Variants in GOLGA3 observed in about 807,000 individuals in gnomAD.
The protein encoded by GOLGA3 is golgin A3, also known as golgin subfamily A member 3.
In GOLGA3, 75 loss-of-function variants were observed where a neutral mutation model predicts 169.4. That is an observed-to-expected ratio of 0.44 (90% confidence interval 0.37 to 0.54). The LOEUF (loss-of-function observed/expected upper bound fraction) is 0.54. GOLGA3 is among the 20% of genes least tolerant of loss of function. GOLGA3 has a pLI of 0.00. For missense variants in GOLGA3, 1,899 were observed against 1,930.0 expected, an observed-to-expected ratio of 0.98 and a Z score of 0.30; for synonymous variants, 824 against 822.4, an observed-to-expected ratio of 1.00 and a Z score of -0.03.
rs950907920 is a variant in GOLGA3, at chr12:132,769,236, A to T, written c.*3869T>A. 35 of 151,828 alleles carry T rather than the reference A, an allele frequency of 2.3e-4. No homozygotes were observed. Among genetic ancestry groups the T allele is most frequent in the Non-Finnish European group, 5.9e-5 (4 of 67,840 alleles). The allele number at this position is 151,828 out of a possible 1,614,324, so 9.4% of individuals were successfully genotyped here. ...CTCACACCACAGCGTCACTCAACTCAAGTCCCTCCTCACATCAGAGGGCTC... is the reference window on the plus strand; with the variant it reads ...CTCACACCACAGCGTCACTCAACTCTAGTCCCTCCTCACATCAGAGGGCTC... On this transcript the variant is annotated 3_prime_UTR_variant, in exon 24 of 24. Coordinates refer to ENST00000450791, the MANE Select transcript of GOLGA3 (RefSeq NM_001389683.1).
intron 4 of GOLGA3, among the ~76,000 whole-genome samples, chr12:132,809,382 G>A (rs1322118367): frequency 6.6e-6 from 1 of 152,200 alleles, no homozygotes; most frequent in African/African-American, 2.4e-5. Flanking sequence ...AGGTGGAGGA[G>A]CAGAGTCTTC....
intron 11 of GOLGA3, among the ~76,000 whole-genome samples, chr12:132,795,624 G>A (rs924477421): frequency 1.3e-5 from 2 of 152,200 alleles, no homozygotes; most frequent in African/African-American, 4.8e-5. Context: ...AGCTGGGCAT[G>A]GTGGCGCACA....
chr12:132,820,398 C>G (rs527392077), intron 2 of GOLGA3, among the ~76,000 whole-genome samples: 2 of 152,178 alleles, frequency 1.3e-5, no homozygotes, highest in African/African-American at 2.4e-5. Flanking sequence ...ATTAACCCAG[C>G]GTCTTGCTCG....
intron 11 of GOLGA3, among the ~76,000 whole-genome samples, chr12:132,791,518 C>G (rs374319416): frequency 3.8e-4 from 54 of 140,826 alleles, no homozygotes; most frequent in African/African-American, 1.2e-3. Context: ...ACATCTGCAG[C>G]GATGTTACAC....
At chr12:132,790,550 A>G (rs2046172080) in intron 12 of GOLGA3, among the ~76,000 whole-genome samples, 1 of 152,124 alleles carries the variant, frequency 6.6e-6, no homozygotes, top group African/African-American at 2.4e-5. Context: ...CTGGAACTCT[A>G]TGTGCATTTT....
At chr12:132,809,852 C>T (rs926160848) in intron 4 of GOLGA3, among the ~76,000 whole-genome samples, 6 of 152,336 alleles carry the variant, frequency 3.9e-5, no homozygotes, top group Non-Finnish European at 7.3e-5. Context: ...TCCTCTGTCT[C>T]TTGCCTCGGT....
At chr12:132,810,542 C>T (rs1032490442) in intron 4 of GOLGA3, among the ~76,000 whole-genome samples, 1 of 152,180 alleles carries the variant, frequency 6.6e-6, no homozygotes, top group African/African-American at 2.4e-5. Flanking sequence ...ACTCTACAAT[C>T]ATAACCTAGG....
At chr12:132,784,106 G>A in intron 16 of GOLGA3, 58 bp downstream of exon 16, 1 of 1,599,224 alleles carries the variant, frequency 6.3e-7, no homozygotes, top group South Asian at 1.1e-5. Context: ...GTGGCGGCAT[G>A]TCCAGGGCTC....
chr12:132,791,599 G>C (rs1030942740), intron 11 of GOLGA3, among the ~76,000 whole-genome samples: 1 of 150,002 alleles, frequency 6.7e-6, no homozygotes, highest in Non-Finnish European at 1.5e-5. Context: ...CACATCTGCA[G>C]AGTTGTTACA....
At chr12:132,813,536 G>A (rs1192026995) in intron 3 of GOLGA3, 117 bp from the exon 4 acceptor site, 4 of 580,862 alleles carry the variant, frequency 6.9e-6, no homozygotes, top group Non-Finnish European at 1.2e-5. Context: ...CCTAAACAAT[G>A]CACAGCCATC....
chr12:132,827,448 T>C (rs1384744472), intron 1 of GOLGA3, among the ~76,000 whole-genome samples: 3 of 152,190 alleles, frequency 2.0e-5, no homozygotes, highest in African/African-American at 7.2e-5. Flanking sequence ...TCCTCACCAG[T>C]AAAACAATGA....
chr12:132,792,294 G>A (rs899456353), intron 11 of GOLGA3, among the ~76,000 whole-genome samples: 42 of 152,316 alleles, frequency 2.8e-4, no homozygotes, highest in African/African-American at 9.9e-4. Flanking sequence ...CCCAGGGCTC[G>A]GCAAGCCTTT....
At chr12:132,820,457 G>A (rs554581026) in intron 2 of GOLGA3, among the ~76,000 whole-genome samples, 4 of 152,352 alleles carry the variant, frequency 2.6e-5, no homozygotes, top group South Asian at 4.1e-4. Flanking sequence ...TTCCACGGCC[G>A]CGGGTCTCAG....
At chr12:132,826,152 C>A in intron 1 of GOLGA3, 1 of 1,594,688 alleles carries the variant, frequency 6.3e-7, no homozygotes. Context: ...GTCACCAAGG[C>A]TGCCAGCACC....
Position 132,782,439 on chromosome 12 carries a change from T to C in GOLGA3, c.3322A>G (p.Lys1108Glu), listed in dbSNP as rs1282541986. The change falls in exon 17 of 24, where the codon AAG becomes GAG. Residue 1108 changes from lysine to glutamate, a missense_variant. By Grantham distance (56) the Lys-to-Glu change is moderately conservative. Transcript: ENST00000450791. ...TGCTCTAATTCAAGAGCCAACTTCT[T>C]GTTTGACTCCTCAAGGCGTTTTATC... ...KKIKRLEESN[K>E]KLALELEHEK... 6.2e-7 allele frequency: 1 copy of C among 1,614,156 alleles called. No individual in the cohort carries two copies. The highest frequency in any genetic ancestry group is 1.7e-5 in the Admixed American group (1 of 60,022).
chr12:132,821,108 A>AAAAAG, intron 2 of GOLGA3, among the ~76,000 whole-genome samples: 1 of 149,856 alleles, frequency 6.7e-6, no homozygotes, highest in Non-Finnish European at 1.5e-5. Context: ...TCAAAAAAAA[A>AAAAAG]AAAAAAAAAA....
chr12:132,769,682 G>A lies in GOLGA3; in HGVS notation c.*3423C>T, dbSNP rs911346148. 2 of 152,134 alleles carry A rather than the reference G, an allele frequency of 1.3e-5. No individual in the cohort carries two copies. The highest frequency in any genetic ancestry group is 2.4e-5 in the African/African-American group (1 of 41,434). The allele number at this position is 152,134 out of a possible 1,614,324, so 9.4% of individuals were successfully genotyped here. On this transcript the variant is annotated 3_prime_UTR_variant, in exon 24 of 24. Coordinates refer to ENST00000450791, the MANE Select transcript of GOLGA3 (RefSeq NM_001389683.1). ...GCCCTAGCCTGTTGTGACACACGGT[G>A]TGGGGATGAACACGCCGCCCTAGCC...
intron 4 of GOLGA3, among the ~76,000 whole-genome samples, chr12:132,809,598 G>T (rs1335921682): frequency 6.6e-6 from 1 of 152,194 alleles, no homozygotes; most frequent in Non-Finnish European, 1.5e-5. Context: ...GCCCTGTCTG[G>T]GCATAACAGA....
Position 132,780,841 on chromosome 12 carries a change from G to A in GOLGA3, c.3539C>T (p.Ser1180Leu), listed in dbSNP as rs755184693. Residue 1180 changes from serine to leucine, a missense_variant, in exon 18 of 24, where the codon TCA becomes TTA. Transcript: ENST00000450791. ...CACCTTCTCCTTCTCCTTCTCTAGT[G>A]AGGCCTGCAGGGCCTGGACAAGATG... ...MKHLVQALQASLEKEKEKVNS... is the reference protein window; with the variant it reads ...MKHLVQALQALLEKEKEKVNS... The A allele has an allele frequency of 1.2e-6, 2 of 1,612,140 alleles. No individual in the cohort carries two copies. The highest frequency in any genetic ancestry group is 1.7e-5 in the Admixed American group (1 of 60,014).
Sources: allele counts gnomAD v4.1 joint callset (sites outside exome capture counted in the v4.1 genomes callset), GRCh38; gene constraint gnomAD v4.1.1; transcripts MANE v1.5; gene names NCBI Gene and HGNC (gene_info 2026-07-23, HGNC 2026-07-21).